Variants in SPAG16 observed in about 807,000 individuals in gnomAD.
SPAG16 encodes sperm-associated antigen 16 protein.
SPAG16 carries 86 observed loss-of-function variants against 80.4 expected under a neutral mutation model. That is an observed-to-expected ratio of 1.07 (90% CI 0.90 to 1.28). The LOEUF is 1.28. Ranked by LOEUF, SPAG16 falls within the 50% of genes most tolerant of loss-of-function variation. The pLI, the probability that SPAG16 is intolerant of heterozygous loss-of-function variation, is 0.00. For missense variants in SPAG16, 870 were observed against 765.3 expected (o/e 1.14, Z -1.61); for synonymous variants, 294 against 265.9 (o/e 1.11, Z -1.03).
chr2:213,996,491 A>G (rs1317967479), intron 12 of SPAG16, among the ~76,000 whole-genome samples: 1 of 151,986 alleles, frequency 6.6e-6, no homozygotes, highest in Non-Finnish European at 1.5e-5. Context: ...AAGCAGATAT[A>G]TCTTGGCCAT....
At chr2:213,904,718 A>C (rs2077366595) in intron 11 of SPAG16, among the ~76,000 whole-genome samples, 1 of 151,732 alleles carries the variant, frequency 6.6e-6, no homozygotes, top group Non-Finnish European at 1.5e-5. Flanking sequence ...AAATGAAGGG[A>C]AGGGGCCTTG....
intron 10 of SPAG16, among the ~76,000 whole-genome samples, chr2:213,796,553 T>A (rs2071042792): frequency 6.6e-6 from 1 of 152,174 alleles, no homozygotes; most frequent in Non-Finnish European, 1.5e-5. Context: ...AAGGACAGAC[T>A]GTATGTAGGA....
chr2:213,925,018 T>TA (rs1486733022), intron 11 of SPAG16, among the ~76,000 whole-genome samples: 4 of 152,154 alleles, frequency 2.6e-5, no homozygotes, highest in Admixed American at 2.6e-4. Context: ...TTACTATTCT[T>TA]ATAGTGCTCA....
At chr2:214,257,315 A>G (rs1316217552) in intron 15 of SPAG16, among the ~76,000 whole-genome samples, 1 of 151,958 alleles carries the variant, frequency 6.6e-6, no homozygotes, top group African/African-American at 2.4e-5. Context: ...TTCATAAGCA[A>G]TCATGGTATC....
At chr2:213,600,494 T>A (rs78757523) in intron 10 of SPAG16, among the ~76,000 whole-genome samples, 9,288 of 152,270 alleles carry the variant, frequency 0.061, 920 homozygotes, top group African/African-American at 0.21. Context: ...TCTATGTTCC[T>A]AGTATTGTGG....
At chr2:213,759,820 A>G (rs900556142) in intron 10 of SPAG16, among the ~76,000 whole-genome samples, 19 of 152,150 alleles carry the variant, frequency 1.2e-4, no homozygotes, top group African/African-American at 4.3e-4. Context: ...GTGGATCATG[A>G]AGTCAGGAGA....
chr2:213,402,205 A>G (rs962811027), intron 9 of SPAG16, among the ~76,000 whole-genome samples: 1 of 151,856 alleles, frequency 6.6e-6, no homozygotes, highest in African/African-American at 2.4e-5. Flanking sequence ...TGTTTCCTGT[A>G]TTTAGGTGGC....
At chr2:213,342,200 A>G (rs1005113686) in intron 6 of SPAG16, among the ~76,000 whole-genome samples, 2 of 151,624 alleles carry the variant, frequency 1.3e-5, no homozygotes, top group East Asian at 1.9e-4. Flanking sequence ...ACAATTCTAT[A>G]TCTGTGTGTT....
intron 10 of SPAG16, among the ~76,000 whole-genome samples, chr2:213,498,835 C>T (rs1016483372): frequency 4.6e-5 from 7 of 152,098 alleles, no homozygotes; most frequent in Non-Finnish European, 7.4e-5. Context: ...ATCACTTAAG[C>T]CTGTGTATTT....
chr2:213,436,472 T>G (rs1374609189), intron 9 of SPAG16, among the ~76,000 whole-genome samples: 1 of 152,206 alleles, frequency 6.6e-6, no homozygotes, highest in Non-Finnish European at 1.5e-5. Flanking sequence ...AAATAAAACT[T>G]CTGTTAATAT....
intron 12 of SPAG16, among the ~76,000 whole-genome samples, chr2:213,950,028 G>A (rs2079665692): frequency 6.6e-6 from 1 of 152,190 alleles, no homozygotes; most frequent in Non-Finnish European, 1.5e-5. Flanking sequence ...GCATATATCT[G>A]TAGTTAGGTG....
intron 13 of SPAG16, among the ~76,000 whole-genome samples, chr2:214,044,212 T>C (rs17207263): frequency 0.25 from 37,325 of 152,116 alleles, 5,066 homozygotes; most frequent in Middle Eastern, 0.29. Flanking sequence ...GCATTATTTT[T>C]AATTTATAAA....
At chr2:213,997,950 C>T (rs1322748534) in intron 12 of SPAG16, among the ~76,000 whole-genome samples, 3 of 152,092 alleles carry the variant, frequency 2.0e-5, no homozygotes, top group Admixed American at 6.5e-5. Flanking sequence ...TCTTAAGGAG[C>T]TTACATTCTT....
At chr2:213,875,511 A>G (rs2076109238) in intron 11 of SPAG16, among the ~76,000 whole-genome samples, 1 of 152,150 alleles carries the variant, frequency 6.6e-6, no homozygotes, top group African/African-American at 2.4e-5. Flanking sequence ...ACTGACTATG[A>G]TGAGAGGCTT....
chr2:214,219,642 G>A (rs1254739639), intron 15 of SPAG16, among the ~76,000 whole-genome samples: 5 of 151,992 alleles, frequency 3.3e-5, no homozygotes, highest in Admixed American at 2.6e-4. Flanking sequence ...TAGGCATTTG[G>A]AATAGACTGC....
In SPAG16 at chr2:213,532,511, G is replaced by A. The variant is rs551190982; in HGVS notation, c.1070+42421G>A. Reference sequence around the variant, plus strand: ...GAGTCTTGCTCTGTTGCCAATGCTAGAGTTAAGTGTTGCCATCTCGGCTCA... The same window carrying A: ...GAGTCTTGCTCTGTTGCCAATGCTAAAGTTAAGTGTTGCCATCTCGGCTCA... On this transcript the variant is annotated intron_variant, in intron 10 of 15. Coordinates refer to ENST00000331683, the MANE Select transcript of SPAG16 (RefSeq NM_024532.5). 6.8e-5 allele frequency among the ~76,000 whole-genome samples: 10 copies of A among 147,946 alleles called. 2 individuals are homozygous for A. In the South Asian group the frequency reaches 2.1e-3, roughly 31 times the overall value.
chr2:213,866,418 A>G lies in SPAG16; in HGVS notation c.1214+3790A>G, dbSNP rs552600692. On this transcript the variant is annotated intron_variant, in intron 11 of 15. Coordinates refer to ENST00000331683, the MANE Select transcript of SPAG16 (RefSeq NM_024532.5). ...GAATTGTACTAGGAAAGCATGAAAT[A>G]TATAAATGATCCGACTATGAGGACA... 4.2e-4 allele frequency among the ~76,000 whole-genome samples: 64 copies of G among 152,284 alleles called. No individual in the cohort carries two copies. In the South Asian group the frequency reaches 0.013, roughly 30 times the overall value.
chr2:214,216,248 A>G (rs2058429120), intron 15 of SPAG16, among the ~76,000 whole-genome samples: 2 of 152,242 alleles, frequency 1.3e-5, no homozygotes, highest in African/African-American at 4.8e-5. Context: ...TGAATGAAAA[A>G]GTACTGAAAC....
intron 10 of SPAG16, among the ~76,000 whole-genome samples, chr2:213,859,178 C>T (rs1237777549): frequency 1.1e-4 from 1 of 9,368 alleles, no homozygotes; most frequent in Non-Finnish European, 1.8e-4. Flanking sequence ...CACTCCGTCT[C>T]AAAAAAAAAA....
Sources: allele counts gnomAD v4.1 joint callset (sites outside exome capture counted in the v4.1 genomes callset), GRCh38; gene constraint gnomAD v4.1.1; transcripts MANE v1.5; gene names NCBI Gene and HGNC (gene_info 2026-07-23, HGNC 2026-07-21).